Variants in DYNC2I2 observed in about 807,000 individuals in gnomAD.
DYNC2I2 encodes the protein dynein 2 intermediate chain 2.
In DYNC2I2, 39 loss-of-function variants were observed where a neutral mutation model predicts 52.0. The ratio of observed to expected loss-of-function variants is 0.75; its 90% CI spans 0.58 to 0.98. The LOEUF is 0.98. DYNC2I2 is among the 50% of genes least tolerant of loss of function. DYNC2I2 has a pLI of 0.00. For synonymous variants in DYNC2I2, 359 were observed against 321.1 expected (o/e 1.12, Z -1.26); for missense variants, 743 against 728.4 (o/e 1.02, Z -0.23).
At chr9:128,673,900 C>T in the DYNC2I2 span, among the ~76,000 whole-genome samples, 1 of 150,922 alleles carries the variant, frequency 6.6e-6, no homozygotes, top group Admixed American at 6.6e-5. Flanking sequence ...CCTCAGCCTC[C>T]CAGGTTCAAG....
chr9:128,664,134 G>T, the DYNC2I2 span, among the ~76,000 whole-genome samples: 3 of 151,204 alleles, frequency 2.0e-5, no homozygotes, highest in Non-Finnish European at 4.4e-5. Context: ...ATTTTTTTTT[G>T]TATTTTTAGT....
chr9:128,655,065 G>C (rs1860790473), intron 1 of DYNC2I2, among the ~76,000 whole-genome samples: 1 of 151,948 alleles, frequency 6.6e-6, no homozygotes, highest in African/African-American at 2.4e-5. Flanking sequence ...AGGTGCTCAA[G>C]CTGAAAGTCC....
the DYNC2I2 span, among the ~76,000 whole-genome samples, chr9:128,662,331 G>C: frequency 6.6e-6 from 1 of 152,136 alleles, no homozygotes; most frequent in African/African-American, 2.4e-5. Context: ...TGAGAGGCTG[G>C]TGTGCCCTAC....
the DYNC2I2 span, among the ~76,000 whole-genome samples, chr9:128,669,699 G>A: frequency 2.0e-5 from 3 of 152,136 alleles, no homozygotes; most frequent in African/African-American, 7.2e-5. Flanking sequence ...CTTTGTTTGA[G>A]ATGGAGTCTC....
the DYNC2I2 span, among the ~76,000 whole-genome samples, chr9:128,673,786 G>A: frequency 1.3e-5 from 2 of 150,262 alleles, no homozygotes; most frequent in Non-Finnish European, 1.5e-5. Context: ...GATTACAGGC[G>A]TGAGCTACCG....
chr9:128,663,607 G>A, the DYNC2I2 span: 2 of 148,664 alleles, frequency 1.3e-5, no homozygotes, highest in Non-Finnish European at 3.0e-5. Flanking sequence ...TCCATTTTCT[G>A]TAGCCCAATT....
intron 2 of DYNC2I2, among the ~76,000 whole-genome samples, chr9:128,640,476 T>C (rs559641811): frequency 9.9e-4 from 151 of 152,274 alleles, no homozygotes; most frequent in Non-Finnish European, 1.2e-3. Flanking sequence ...TCCCTAACTG[T>C]AAAGTGGACA....
chr9:128,646,180 C>T (rs1860614505), intron 1 of DYNC2I2, among the ~76,000 whole-genome samples: 2 of 152,158 alleles, frequency 1.3e-5, no homozygotes, highest in Non-Finnish European at 2.9e-5. Flanking sequence ...TGAAGGTGGC[C>T]GCACTAAACA....
chr9:128,656,339 T>C (rs1156567251), intron 1 of DYNC2I2, among the ~76,000 whole-genome samples: 1 of 152,026 alleles, frequency 6.6e-6, no homozygotes, highest in African/African-American at 2.4e-5. Context: ...TGTTAAAAAA[T>C]GGGCCGAAAG....
In DYNC2I2 at chr9:128,656,687, C is replaced by G; in HGVS notation, c.40G>C (p.Gly14Arg). ...RAQPGPLSQAGSAGVAALATV... is the reference protein window; with the variant it reads ...RAQPGPLSQARSAGVAALATV... ...GCCAGCGCCGCAACACCAGCGCTTC[C>G]CGCCTGGCTGAGTGGCCCCGGCTGC... Residue 14 changes from glycine to arginine, a missense_variant, in exon 1 of 9, where the codon GGA becomes CGA. Gly to Arg is a moderately radical substitution (Grantham distance 125, BLOSUM62 -2). Transcript: ENST00000372715. 1 of 1,491,946 alleles carries G rather than the reference C, an allele frequency of 6.7e-7. No individual in the cohort carries two copies. The highest frequency in any genetic ancestry group is 8.8e-7 in the Non-Finnish European group (1 of 1,131,990). 92.4% of individuals were successfully genotyped at this position (1,491,946 alleles called of 1,614,324 possible).
At chr9:128,682,956 T>C in the DYNC2I2 span, among the ~76,000 whole-genome samples, 1 of 150,930 alleles carries the variant, frequency 6.6e-6, no homozygotes, top group Non-Finnish European at 1.5e-5. Flanking sequence ...GATTACAGGC[T>C]TGAGTCACTG....
At chr9:128,676,839 G>GTTT in the DYNC2I2 span, among the ~76,000 whole-genome samples, 8 of 144,298 alleles carry the variant, frequency 5.5e-5, no homozygotes, top group African/African-American at 2.0e-4. Context: ...GGCCCCAGCT[G>GTTT]TTTTTTTTTT....
upstream of DYNC2I2, among the ~76,000 whole-genome samples, chr9:128,658,848 C>T (rs2132195226): frequency 2.0e-5 from 3 of 151,352 alleles, no homozygotes; most frequent in South Asian, 6.3e-4. Context: ...CCTCAGCCTC[C>T]TAAGCAGCTG....
At position 128,633,863 on chromosome 9, in the gene DYNC2I2, A is replaced by C; in HGVS notation, c.1492T>G (p.Leu498Val). ...GTGCCCTGGGCATCGCCCGCAGCCAAGAGCTGAGTCTGCTGGCTGTTGAAC... is the reference window on the plus strand; with the variant it reads ...GTGCCCTGGGCATCGCCCGCAGCCACGAGCTGAGTCTGCTGGCTGTTGAAC... ...LEFNSQQTQL[L>V]AAGDAQGTVK... Residue 498 changes from leucine (L) to valine (V), a missense_variant, in exon 9 of 9, where the codon TTG (leucine) becomes GTG (valine). By Grantham distance (32) the Leu-to-Val change is conservative (BLOSUM62 1). Transcript: ENST00000372715. 1 of 1,613,624 alleles carries C rather than the reference A, an allele frequency of 6.2e-7. No homozygotes were observed. Among genetic ancestry groups the C allele is most frequent in the Non-Finnish European group, 8.5e-7 (1 of 1,180,048 alleles).
upstream of DYNC2I2, among the ~76,000 whole-genome samples, chr9:128,661,319 A>C (rs186544863): frequency 2.9e-3 from 432 of 151,144 alleles, 8 homozygotes; most frequent in East Asian, 0.038. Context: ...AAAAAAAAAA[A>C]AAAACAAAAA....
the DYNC2I2 span, among the ~76,000 whole-genome samples, chr9:128,680,659 G>T: frequency 6.6e-6 from 1 of 151,342 alleles, no homozygotes; most frequent in South Asian, 2.1e-4. Flanking sequence ...TTACAGGTGT[G>T]AGCCACCGTG....
At chr9:128,660,387 G>A (rs1860904697), upstream of DYNC2I2, among the ~76,000 whole-genome samples, 1 of 151,856 alleles carries the variant, frequency 6.6e-6, no homozygotes, top group Non-Finnish European at 1.5e-5. Context: ...TGGGATTACA[G>A]GCATGAGCCA....
intron 3 of DYNC2I2, 66 bp downstream of exon 3, chr9:128,636,852 A>C: frequency 2.4e-6 from 3 of 1,265,970 alleles, no homozygotes; most frequent in Non-Finnish European, 3.4e-6. Context: ...GTGCAGCTAC[A>C]GAGACAAGGC....
the DYNC2I2 span, among the ~76,000 whole-genome samples, chr9:128,682,209 C>T: frequency 1.8e-3 from 269 of 151,990 alleles, 1 homozygote; most frequent in African/African-American, 2.2e-3. Context: ...CAACCACGCC[C>T]GGCTAATTTT....
Sources: allele counts gnomAD v4.1 joint callset (sites outside exome capture counted in the v4.1 genomes callset), GRCh38; gene constraint gnomAD v4.1.1; transcripts MANE v1.5; gene names NCBI Gene and HGNC (gene_info 2026-07-23, HGNC 2026-07-21).